FRY: variants seen among roughly 807,000 people sequenced by gnomAD.
FRY encodes the protein FRY microtubule binding protein.
In FRY, 128 loss-of-function variants were observed where a neutral mutation model predicts 348.4. The observed-to-expected ratio is 0.37, with a 90% CI of 0.32 to 0.43. The LOEUF (loss-of-function observed/expected upper bound fraction) is 0.43. Ranked by LOEUF, FRY falls within the 20% of genes least tolerant of loss-of-function variation. FRY has a pLI of 1.00. For synonymous variants in FRY, 1,370 were observed against 1,374.7 expected, an observed-to-expected ratio of 1.00 and a Z score of 0.08; for missense variants, 2,736 against 3,695.2, an observed-to-expected ratio of 0.74 and a Z score of 6.73.
At position 32,177,997 on chromosome 13, in the gene FRY, G is replaced by A. The variant is rs917216103; in HGVS notation, c.2422-180G>A. On this transcript the variant is annotated intron_variant, in intron 20 of 60. Coordinates refer to ENST00000542859, the MANE Select transcript of FRY (RefSeq NM_023037.3). ...AGCTGCTTATCATCTAGCATAGGAAGACTGATGACCACACACCAAGGTCAA... is the reference window on the plus strand; with the variant it reads ...AGCTGCTTATCATCTAGCATAGGAAAACTGATGACCACACACCAAGGTCAA... Among the ~76,000 whole-genome samples, 3 of 152,172 alleles carry A rather than the reference G, an allele frequency of 2.0e-5. No homozygotes were observed. The East Asian group carries it at 5.8e-4, about 29-fold the overall frequency.
chr13:32,066,031 T>A (rs533290651), intron 1 of FRY, among the ~76,000 whole-genome samples: 17 of 152,236 alleles, frequency 1.1e-4, no homozygotes, highest in Non-Finnish European at 1.9e-4. Flanking sequence ...TTATCACATC[T>A]AATAAAATTG....
chr13:32,251,617 A>T (rs534964397), intron 49 of FRY, among the ~76,000 whole-genome samples: 2 of 152,330 alleles, frequency 1.3e-5, no homozygotes, highest in East Asian at 3.9e-4. Flanking sequence ...TACCCTTAAA[A>T]AAAAAGGAAA....
intron 20 of FRY, among the ~76,000 whole-genome samples, chr13:32,177,035 G>T (rs1485389234): frequency 1.3e-5 from 2 of 152,080 alleles, no homozygotes; most frequent in African/African-American, 4.8e-5. Context: ...GACCATTGAG[G>T]CCACAATTAT....
intron 2 of FRY, among the ~76,000 whole-genome samples, chr13:32,096,086 T>C (rs1429060180): frequency 6.6e-6 from 1 of 152,118 alleles, no homozygotes; most frequent in Non-Finnish European, 1.5e-5. Context: ...TCTTATATTC[T>C]TTCCCTTTCT....
chr13:32,275,450 T>C (rs1359445169), intron 56 of FRY, among the ~76,000 whole-genome samples: 3 of 152,138 alleles, frequency 2.0e-5, no homozygotes, highest in Non-Finnish European at 4.4e-5. Context: ...GATATGACTC[T>C]CAAAGGTCTG....
chr13:32,290,818 G>T (rs1405214790), intron 59 of FRY, among the ~76,000 whole-genome samples: 1 of 151,990 alleles, frequency 6.6e-6, no homozygotes, highest in Admixed American at 6.6e-5. Context: ...TGAAACTAAT[G>T]GGGGGATGAA....
chr13:32,125,295 TA>T (rs1462484276), intron 7 of FRY, among the ~76,000 whole-genome samples: 4 of 152,176 alleles, frequency 2.6e-5, no homozygotes, highest in African/African-American at 9.7e-5. Flanking sequence ...TCAGCTGAGC[TA>T]AAAATGTCCC....
intron 1 of FRY, among the ~76,000 whole-genome samples, chr13:32,047,982 C>G (rs981182554): frequency 6.6e-6 from 1 of 152,080 alleles, no homozygotes; most frequent in African/African-American, 2.4e-5. Context: ...TCTAACTGAC[C>G]CACTTCCACT....
At chr13:32,220,033 A>G (rs1885234422) in intron 36 of FRY, among the ~76,000 whole-genome samples, 1 of 152,246 alleles carries the variant, frequency 6.6e-6, no homozygotes, top group Admixed American at 6.5e-5. Context: ...CACAAGTTAC[A>G]GAAATTCTGA....
At chr13:32,091,350 T>C (rs1876296720) in intron 2 of FRY, among the ~76,000 whole-genome samples, 1 of 152,100 alleles carries the variant, frequency 6.6e-6, no homozygotes, top group Non-Finnish European at 1.5e-5. Flanking sequence ...ACCAGTGGGG[T>C]GCCGATTACC....
intron 7 of FRY, among the ~76,000 whole-genome samples, chr13:32,126,482 G>T (rs1879026431): frequency 6.6e-6 from 1 of 152,144 alleles, no homozygotes; most frequent in Admixed American, 6.5e-5. Flanking sequence ...GCTTGCCAAT[G>T]GTGGCTTTTT....
intron 1 of FRY, among the ~76,000 whole-genome samples, chr13:32,051,161 A>T (rs1173442801): frequency 1.3e-5 from 2 of 152,168 alleles, no homozygotes; most frequent in Non-Finnish European, 2.9e-5. Context: ...GCTCAAAATT[A>T]TTTTATCCCA....
intron 1 of FRY, among the ~76,000 whole-genome samples, chr13:32,051,299 A>G (rs1873314646): frequency 6.6e-6 from 1 of 152,186 alleles, no homozygotes. Flanking sequence ...GGGAAAAGAC[A>G]TGTCAAGCAA....
At chr13:32,122,946 AAAAAT>A (rs10556820) in intron 4 of FRY, among the ~76,000 whole-genome samples, 80,460 of 151,254 alleles carry the variant, frequency 0.53, 21,840 homozygotes, top group South Asian at 0.67. Context: ...AATAGCTGCA[AAAAAT>A]AAAATAAAAT....
At position 32,188,332 on chromosome 13, in the gene FRY, GA is replaced by G. The variant is rs144310432; in HGVS notation, c.3591+680del. Among the ~76,000 whole-genome samples the G allele has an allele frequency of 8.6e-3, 1,311 of 152,202 alleles. 22 individuals carry two copies. The highest frequency in any genetic ancestry group is 0.03 in the African/African-American group (1,264 of 41,540). ...CACGTTCTCTACATTATTACCTGAA[GA>G]AAATTCGTGACTTTTAGAGATTTTT... On this transcript the variant is annotated intron_variant, in intron 28 of 60. Coordinates refer to ENST00000542859, the MANE Select transcript of FRY (RefSeq NM_023037.3).
chr13:32,129,607 C>T (rs1411115389), intron 7 of FRY, among the ~76,000 whole-genome samples: 8 of 151,962 alleles, frequency 5.3e-5, no homozygotes, highest in African/African-American at 1.5e-4. Flanking sequence ...CAAATGCCAC[C>T]GAAGATTAGG....
intron 31 of FRY, among the ~76,000 whole-genome samples, chr13:32,204,309 A>G (rs954188388): frequency 2.3e-5 from 3 of 132,384 alleles, no homozygotes; most frequent in Middle Eastern, 3.9e-3. Flanking sequence ...CACCATCATC[A>G]TTGTTTTACA....
intron 2 of FRY, 44 bp from the exon 3 acceptor site, chr13:32,101,919 G>A: frequency 9.7e-7 from 1 of 1,033,326 alleles, no homozygotes; most frequent in Non-Finnish European, 1.5e-6. Flanking sequence ...TACTATTTAA[G>A]AGACTCTAAT....
At chr13:32,153,543 G>A (rs1593673829) in intron 14 of FRY, among the ~76,000 whole-genome samples, 3 of 152,272 alleles carry the variant, frequency 2.0e-5, no homozygotes, top group East Asian at 1.9e-4. Flanking sequence ...AAGACTAACC[G>A]CAAAAACGCA....
Sources: allele counts gnomAD v4.1 joint callset (sites outside exome capture counted in the v4.1 genomes callset), GRCh38; gene constraint gnomAD v4.1.1; transcripts MANE v1.5; gene names NCBI Gene and HGNC (gene_info 2026-07-23, HGNC 2026-07-21).